ZRANB3: variants seen among roughly 807,000 people sequenced by gnomAD.
ZRANB3 encodes the protein zinc finger RANBP2-type containing 3.
ZRANB3 carries 125 observed loss-of-function variants against 133.8 expected under a neutral mutation model. That is an observed-to-expected ratio of 0.93 (90% CI 0.81 to 1.08). ZRANB3 has a LOEUF of 1.08. Ranked by LOEUF, ZRANB3 falls within the 50% of genes least tolerant of loss-of-function variation. The probability of loss-of-function intolerance (pLI) is 0.00; values close to 1 mark genes in which losing one functional copy is unlikely to be tolerated. For missense variants in ZRANB3, 1,229 were observed against 1,275.5 expected (o/e 0.96, Z 0.56); for synonymous variants, 387 against 432.7 (o/e 0.89, Z 1.31).
intron 8 of ZRANB3, among the ~76,000 whole-genome samples, chr2:135,282,161 CTTA>C (rs1681126701): frequency 1.3e-5 from 2 of 151,996 alleles, no homozygotes; most frequent in African/African-American, 4.8e-5. Flanking sequence ...TCCTTAATAA[CTTA>C]TTTATTTTGT....
intron 1 of ZRANB3, among the ~76,000 whole-genome samples, chr2:135,507,789 T>G (rs773104065): frequency 1.3e-5 from 2 of 151,896 alleles, no homozygotes; most frequent in African/African-American, 4.8e-5. Context: ...TCTTGTTGCT[T>G]ACAAAAGATC....
At chr2:135,421,627 C>T (rs545269921) in intron 2 of ZRANB3, among the ~76,000 whole-genome samples, 1 of 152,196 alleles carries the variant, frequency 6.6e-6, no homozygotes, top group South Asian at 2.1e-4. Context: ...TATTTTTAAA[C>T]TTTTCTTTGC....
intron 2 of ZRANB3, among the ~76,000 whole-genome samples, chr2:135,410,910 C>T (rs1282825943): frequency 6.6e-6 from 1 of 152,076 alleles, no homozygotes; most frequent in Non-Finnish European, 1.5e-5. Flanking sequence ...CAATAAGATA[C>T]CATCTCACAC....
chr2:135,308,268 C>A (rs1682797957), intron 8 of ZRANB3, among the ~76,000 whole-genome samples: 1 of 152,122 alleles, frequency 6.6e-6, no homozygotes, highest in South Asian at 2.1e-4. Context: ...GTTTCCTGCC[C>A]ACTCCCCAGG....
intron 2 of ZRANB3, among the ~76,000 whole-genome samples, chr2:135,481,852 G>C (rs1691831566): frequency 6.6e-6 from 1 of 150,390 alleles, no homozygotes; most frequent in Admixed American, 6.6e-5. Context: ...AGTTTTCCCA[G>C]CACCATTTAT....
At chr2:135,263,798 C>T (rs1237362278) in intron 12 of ZRANB3, among the ~76,000 whole-genome samples, 1 of 149,756 alleles carries the variant, frequency 6.7e-6, no homozygotes, top group African/African-American at 2.5e-5. Flanking sequence ...TTTTTTTAGA[C>T]AGAGTCTCAC....
intron 1 of ZRANB3, among the ~76,000 whole-genome samples, chr2:135,506,728 G>A (rs1282792117): frequency 6.6e-6 from 1 of 152,054 alleles, no homozygotes; most frequent in Non-Finnish European, 1.5e-5. Context: ...CTCAATGGAA[G>A]GTTTAAACAG....
intron 17 of ZRANB3, among the ~76,000 whole-genome samples, chr2:135,209,402 A>G (rs577253168): frequency 2.6e-5 from 4 of 152,268 alleles, no homozygotes; most frequent in Admixed American, 1.3e-4. Context: ...TCTCCAAATC[A>G]CCTTAGTCAG....
intron 12 of ZRANB3, among the ~76,000 whole-genome samples, chr2:135,253,500 A>AT (rs1339792793): frequency 6.6e-6 from 1 of 152,152 alleles, no homozygotes; most frequent in East Asian, 1.9e-4. Flanking sequence ...TCTTTAGGTG[A>AT]TTTTGCAGTT....
rs145263650 is a variant in ZRANB3, at chr2:135,420,852, C to A, written c.162-30032G>T. ...AAAGAAATTAAAGGAAAATTTTAGGCTAGATACATATTGTTCAGTTCTATG... is the reference window on the plus strand; with the variant it reads ...AAAGAAATTAAAGGAAAATTTTAGGATAGATACATATTGTTCAGTTCTATG... On this transcript the variant is annotated intron_variant, in intron 2 of 20. Coordinates refer to ENST00000264159, the MANE Select transcript of ZRANB3 (RefSeq NM_032143.4). Among the ~76,000 whole-genome samples, 31 of 152,110 alleles carry A rather than the reference C, an allele frequency of 2.0e-4. 1 individual carries two copies. The East Asian group carries it at 5.8e-3, about 28-fold the overall frequency.
At chr2:135,511,861 TC>T (rs1693474481) in intron 1 of ZRANB3, 10 of 764,558 alleles carry the variant, frequency 1.3e-5, no homozygotes, top group South Asian at 1.2e-4. Context: ...ATGCAGCATG[TC>T]TGGGGCCTAG....
At chr2:135,272,188 T>C (rs1489892807) in intron 9 of ZRANB3, among the ~76,000 whole-genome samples, 1 of 152,322 alleles carries the variant, frequency 6.6e-6, no homozygotes, top group East Asian at 1.9e-4. Context: ...AAATCTTTTA[T>C]GAATTAAGCT....
Position 135,199,942 on chromosome 2 carries a change from G to C in ZRANB3, c.*400C>G, listed in dbSNP as rs1693551112. ...GATTTGCGTCTGAAATTTCCCATAA[G>C]GTTTTGCAATGTTCCACTCATACCT... On this transcript the variant is annotated 3_prime_UTR_variant, in exon 21 of 21. Transcript: ENST00000264159. The C allele has an allele frequency of 5.1e-6, 1 of 196,836 alleles. No individual in the cohort carries two copies. Among genetic ancestry groups the C allele is most frequent in the Admixed American group, 5.8e-5 (1 of 17,276 alleles). 12.2% of individuals were successfully genotyped at this position (196,836 alleles called of 1,614,324 possible). A position where few individuals can be genotyped will look rare whatever the true frequency, so the allele number is the denominator to read the frequency against.
intron 16 of ZRANB3, among the ~76,000 whole-genome samples, chr2:135,218,303 C>T (rs996760783): frequency 1.3e-5 from 2 of 151,996 alleles, no homozygotes; most frequent in East Asian, 3.9e-4. Flanking sequence ...AGAATTGCTT[C>T]GTAAATGATG....
chr2:135,341,777 T>C (rs989230047), intron 6 of ZRANB3, among the ~76,000 whole-genome samples: 13 of 150,166 alleles, frequency 8.7e-5, no homozygotes, highest in Middle Eastern at 6.8e-3. Flanking sequence ...GTGTCTGCCT[T>C]ATGCAGTTGT....
At chr2:135,443,706 ATACTGATCAG>A (rs1339748232) in intron 2 of ZRANB3, among the ~76,000 whole-genome samples, 7 of 152,266 alleles carry the variant, frequency 4.6e-5, no homozygotes, top group African/African-American at 1.7e-4. Flanking sequence ...ATTCAACAAA[ATACTGATCAG>A]TACTTTTCAA....
Position 135,488,243 on chromosome 2 carries a change from T to C in ZRANB3, c.161+16086A>G, listed in dbSNP as rs1321881945. On this transcript the variant is annotated intron_variant, in intron 2 of 20. Transcript: ENST00000264159. ...CATTCATGGTACCCCAAAACAATTA[T>C]AATAGTAAACTCAAAGATCACTAAT... is the stretch of plus-strand genomic sequence containing the variant. Among the ~76,000 whole-genome samples the C allele has an allele frequency of 2.0e-5, 3 of 152,262 alleles. No individual in the cohort carries two copies. The East Asian group carries it at 5.8e-4, about 29-fold the overall frequency.
intron 17 of ZRANB3, among the ~76,000 whole-genome samples, chr2:135,216,175 T>C (rs1694301904): frequency 6.6e-6 from 1 of 152,054 alleles, no homozygotes; most frequent in Non-Finnish European, 1.5e-5. Flanking sequence ...ATGTACCATA[T>C]GCCATATGTT....
chr2:135,486,101 T>C (rs1692105384), intron 2 of ZRANB3, among the ~76,000 whole-genome samples: 1 of 152,208 alleles, frequency 6.6e-6, no homozygotes, highest in African/African-American at 2.4e-5. Context: ...CTGAAGGGTG[T>C]GACGGCTGTG....
Sources: allele counts gnomAD v4.1 joint callset (sites outside exome capture counted in the v4.1 genomes callset), GRCh38; gene constraint gnomAD v4.1.1; transcripts MANE v1.5; gene names NCBI Gene and HGNC (gene_info 2026-07-23, HGNC 2026-07-21).